Variants in SHISA5 observed in about 807,000 individuals in gnomAD.
SHISA5 encodes the protein protein shisa-5.
In SHISA5, 21 loss-of-function variants were observed where a neutral mutation model predicts 27.5. The observed-to-expected ratio is 0.76, with a 90% CI of 0.54 to 1.10. SHISA5 has a LOEUF of 1.10. SHISA5 is among the 50% of genes least tolerant of loss of function. The pLI is 0.00. For synonymous variants in SHISA5, 137 were observed against 142.2 expected (o/e 0.96, Z 0.26); for missense variants, 314 against 336.3 (o/e 0.93, Z 0.52).
chr3:48,503,630 T>G (rs2107400310), intron 1 of SHISA5: 2 of 897,008 alleles, frequency 2.2e-6, no homozygotes, highest in Non-Finnish European at 2.8e-6. Flanking sequence ...CTCCCAGACA[T>G]TAAACAGAGG....
At chr3:48,480,124 C>T (rs1251400060) in intron 2 of SHISA5, among the ~76,000 whole-genome samples, 3 of 151,508 alleles carry the variant, frequency 2.0e-5, no homozygotes, top group Non-Finnish European at 2.9e-5. Context: ...AGGATGGTCT[C>T]GATCTCCTGA....
In SHISA5 at chr3:48,470,146, C is replaced by G. The variant is rs1440005379; in HGVS notation, c.315-303G>C. 1.3e-5 allele frequency among the ~76,000 whole-genome samples: 2 copies of G among 152,232 alleles called. No homozygotes were observed. The highest frequency in any genetic ancestry group is 2.9e-5 in the Non-Finnish European group (2 of 68,044). ...TCTATCTTGTCCACCTCACAACCAA[C>G]TGATCAGCAGATGGGTATAGGGCAC... On this transcript the variant is annotated intron_variant, in intron 3 of 5. Coordinates refer to ENST00000296444, the MANE Select transcript of SHISA5 (RefSeq NM_016479.6). This position sits in a 1 kb window ranked among gnomAD's most constrained non-coding sequence, Gnocchi z 4.3.
intron 1 of SHISA5, among the ~76,000 whole-genome samples, chr3:48,501,616 C>A (rs553787984): frequency 6.6e-6 from 1 of 152,306 alleles, no homozygotes; most frequent in South Asian, 2.1e-4. Context: ...CTAATTCCCA[C>A]TGCTTCAGGA....
At chr3:48,482,545 G>A (rs568289413) in intron 2 of SHISA5, among the ~76,000 whole-genome samples, 6 of 152,302 alleles carry the variant, frequency 3.9e-5, no homozygotes, top group African/African-American at 1.4e-4. Flanking sequence ...ACTGTTAATT[G>A]TGCCAAATAT....
intron 2 of SHISA5, among the ~76,000 whole-genome samples, chr3:48,481,839 G>A (rs945407833): frequency 3.3e-5 from 5 of 151,860 alleles, no homozygotes; most frequent in African/African-American, 9.7e-5. Flanking sequence ...AGGCCGAGGC[G>A]GGTGGATCAC....
chr3:48,468,185 C>G lies in SHISA5; in HGVS notation c.*922G>C, dbSNP rs2040427411. 1.0e-6 allele frequency: 1 copy of G among 1,000,218 alleles called. No homozygotes were observed. Among genetic ancestry groups the G allele is most frequent in the South Asian group, 4.3e-5 (1 of 23,170 alleles). 62.0% of individuals were successfully genotyped at this position (1,000,218 alleles called of 1,614,324 possible). On this transcript the variant is annotated 3_prime_UTR_variant, in exon 6 of 6. Coordinates refer to ENST00000296444, the MANE Select transcript of SHISA5 (RefSeq NM_016479.6). ...GTTGTCCATCTCTGAGCCAATTTCC[C>G]TCCACAACCCAGGGGTTTCAGTCTC...
In SHISA5 at chr3:48,504,123, G is replaced by T. The variant is rs369583778; in HGVS notation, c.-29C>A. On this transcript the variant is annotated 5_prime_UTR_variant, in exon 1 of 6. Coordinates refer to ENST00000296444, the MANE Select transcript of SHISA5 (RefSeq NM_016479.6). This position sits in a 1 kb window ranked among gnomAD's most constrained non-coding sequence, Gnocchi z 4.0. ...TGGGCGGGCGGACGGGCGGACGGAC[G>T]CGAGCGCCGGGCGCAGTGCCGCCAC... The T allele has an allele frequency of 4.0e-3, 4,695 of 1,182,744 alleles. 9 individuals carry two copies. The highest frequency in any genetic ancestry group is 4.5e-3 in the Non-Finnish European group (4,096 of 913,574). The allele number at this position is 1,182,744 out of a possible 1,614,324, so 73.3% of individuals were successfully genotyped here. A position where few individuals can be genotyped will look rare whatever the true frequency, so the allele number is the denominator to read the frequency against.
intron 2 of SHISA5, among the ~76,000 whole-genome samples, chr3:48,500,208 T>TA (rs1285442350): frequency 6.6e-6 from 1 of 152,230 alleles, no homozygotes; most frequent in African/African-American, 2.4e-5. Context: ...GGCTAGGTCT[T>TA]ACACTACACC....
At chr3:48,487,795 C>T (rs1481924855) in intron 2 of SHISA5, among the ~76,000 whole-genome samples, 1 of 152,138 alleles carries the variant, frequency 6.6e-6, no homozygotes, top group Non-Finnish European at 1.5e-5. Flanking sequence ...GCTTGGGAGG[C>T]TGAGGTAGGA....
chr3:48,499,688 A>G (rs1241058537), intron 2 of SHISA5, among the ~76,000 whole-genome samples: 3 of 133,064 alleles, frequency 2.3e-5, no homozygotes, highest in Non-Finnish European at 4.8e-5. Context: ...CTCTGTCTAA[A>G]AAAAAAAAAA....
In SHISA5 at chr3:48,469,076, C is replaced by A. The variant is rs749985243; in HGVS notation, c.*31G>T. On this transcript the variant is annotated 3_prime_UTR_variant, in exon 6 of 6. Coordinates refer to ENST00000296444, the MANE Select transcript of SHISA5 (RefSeq NM_016479.6). The surrounding 1 kb of genome is among the most constrained non-coding windows in gnomAD (Gnocchi z 4.6). ...CCACTCACGCACACACACAACATAA[C>A]CAAGTGGCAGCCAGAGAGGCCAGGG... The A allele has an allele frequency of 6.2e-7, 1 of 1,612,186 alleles. No individual in the cohort carries two copies. Among genetic ancestry groups the A allele is most frequent in the Admixed American group, 1.7e-5 (1 of 60,028 alleles).
At chr3:48,489,214 T>TGC (rs2041346430) in intron 2 of SHISA5, among the ~76,000 whole-genome samples, 1 of 143,314 alleles carries the variant, frequency 7.0e-6, no homozygotes, top group African/African-American at 2.9e-5. Context: ...TTTTTTTTTT[T>TGC]GCTCATCAGC....
intron 1 of SHISA5, chr3:48,503,059 G>A: frequency 8.0e-7 from 1 of 1,252,148 alleles, no homozygotes; most frequent in Non-Finnish European, 1.0e-6. Flanking sequence ...GCAGAGGATT[G>A]GACCATTGAC....
In SHISA5 at chr3:48,470,803, TG is replaced by T. The variant is rs1175477145; in HGVS notation, c.315-961del. On this transcript the variant is annotated intron_variant, in intron 3 of 5. Coordinates refer to ENST00000296444, the MANE Select transcript of SHISA5 (RefSeq NM_016479.6). The surrounding 1 kb of genome is among the most constrained non-coding windows in gnomAD (Gnocchi z 4.3). Reference sequence around the variant, plus strand: ...TTAGTCGGGCACGGTGGCGGGTGCCTGTAATCCCAGCTACTTGGGAGGCTGA... The same window carrying T: ...TTAGTCGGGCACGGTGGCGGGTGCCTTAATCCCAGCTACTTGGGAGGCTGA... Among the ~76,000 whole-genome samples the T allele has an allele frequency of 3.3e-5, 5 of 152,052 alleles. No homozygotes were observed. The highest frequency in any genetic ancestry group is 9.7e-5 in the African/African-American group (4 of 41,404).
At chr3:48,478,601 C>A (rs796583243) in intron 3 of SHISA5, among the ~76,000 whole-genome samples, 1 of 152,086 alleles carries the variant, frequency 6.6e-6, no homozygotes. Flanking sequence ...GCCAAGGGGA[C>A]TGGGGTTTGG....
At chr3:48,484,871 C>A (rs2041146055) in intron 2 of SHISA5, among the ~76,000 whole-genome samples, 1 of 152,118 alleles carries the variant, frequency 6.6e-6, no homozygotes, top group South Asian at 2.1e-4. Context: ...CCAGCCTGGG[C>A]AATGAGAGCA....
rs760018033 is a variant in SHISA5 at position 48,469,556 on chromosome 3, T to C, written c.448A>G (p.Thr150Ala). 3.1e-6 allele frequency: 5 copies of C among 1,608,364 alleles called. No homozygotes were observed. The African/African-American group carries it at 6.7e-5, about 22-fold the overall frequency. The stretch of plus-strand genomic sequence containing the variant: ...GGGGCATGCACCACAGTGGTGGATG[T>C]GGTGGTGGTGACAACCGCTGCAAAG... ...RRPRPVVTTT[T>A]STTVVHAPYP... The change falls in exon 5 of 6, where the codon ACA becomes GCA. Residue 150 changes from threonine (T) to alanine (A), a missense_variant. By Grantham distance (58) the Thr-to-Ala change is moderately conservative (BLOSUM62 0). Coordinates refer to ENST00000296444, the MANE Select transcript of SHISA5 (RefSeq NM_016479.6). This position sits in a 1 kb window ranked among gnomAD's most constrained non-coding sequence, Gnocchi z 4.6.
chr3:48,497,262 GTTTTTTTTTTT>G (rs771239815), intron 2 of SHISA5, among the ~76,000 whole-genome samples: 1 of 116,584 alleles, frequency 8.6e-6, no homozygotes, highest in Non-Finnish European at 1.7e-5. Context: ...TCCAGAACAA[GTTTTTTTTTTT>G]TTTTTTTTTT....
chr3:48,491,839 C>T (rs928539095), intron 2 of SHISA5, among the ~76,000 whole-genome samples: 1 of 151,788 alleles, frequency 6.6e-6, no homozygotes, highest in South Asian at 2.1e-4. Context: ...TGGGGTCTCA[C>T]CATGTTGCCC....
Sources: allele counts gnomAD v4.1 joint callset (sites outside exome capture counted in the v4.1 genomes callset), GRCh38; gene constraint gnomAD v4.1.1; non-coding constraint Gnocchi (gnomAD v3.1); transcripts MANE v1.5; gene names NCBI Gene and HGNC (gene_info 2026-07-23, HGNC 2026-07-21).